KCNT1: variants seen among roughly 807,000 people sequenced by gnomAD.
KCNT1 encodes potassium sodium-activated channel subfamily T member 1, also known as potassium channel subfamily T member 1.
Under a neutral mutation model 147.8 loss-of-function variants are expected in KCNT1, and 78 were observed. The observed-to-expected ratio is 0.53, with a 90% CI of 0.44 to 0.64. The LOEUF is 0.64. Ranked by LOEUF, KCNT1 falls within the 30% of genes least tolerant of loss-of-function variation. KCNT1 has a pLI of 0.00. For synonymous variants in KCNT1, 867 were observed against 748.8 expected (o/e 1.16, Z -2.58); for missense variants, 1,419 against 1,750.3 (o/e 0.81, Z 3.38).
rs574577441 is a variant in KCNT1, at chr9:135,750,219, G to T, written c.334+42G>T. On this transcript the variant is annotated intron_variant, in intron 3 of 30. Transcript: ENST00000371757. ...GAGGGCCACTCCCAGGCAGGGAGGT[G>T]TTGAGGGCGCCGGGAGCAAGCCTGG... 5 of 1,535,704 alleles carry T rather than the reference G, an allele frequency of 3.3e-6. No individual in the cohort carries two copies. The African/African-American group carries it at 6.8e-5, about 21-fold the overall frequency.
Position 135,772,925 on chromosome 9 carries a change from A to T in KCNT1, c.2219A>T (p.Asp740Val). 1 of 1,521,734 alleles carries T rather than the reference A, an allele frequency of 6.6e-7. No individual in the cohort carries two copies. The highest frequency in any genetic ancestry group is 8.8e-7 in the Non-Finnish European group (1 of 1,136,838). 94.3% of individuals were successfully genotyped at this position (1,521,734 alleles called of 1,614,324 possible). Residue 740 changes from aspartate (D) to valine (V), a missense_variant, in exon 19 of 31, where the codon GAC (aspartate) becomes GTC (valine). Asp to Val is a radical substitution (Grantham distance 152, BLOSUM62 -3). Around this residue, in one of 5 missense-constraint regions of KCNT1, gnomAD observed 284 missense variants for 292.8 expected, o/e 0.97. Transcript: ENST00000371757. Reference protein sequence around the residue: ...DQSEDEVTPSDDEGLSVVEYV... With the variant: ...DQSEDEVTPSVDEGLSVVEYV... The stretch of plus-strand genomic sequence containing the variant: ...TCGGAGGATGAGGTGACGCCGTCGG[A>T]CGACGAGGGGCTCTCCGTGGTAGAG...
chr9:135,721,795 G>A (rs560866133), intron 2 of KCNT1, among the ~76,000 whole-genome samples: 4 of 152,280 alleles, frequency 2.6e-5, no homozygotes, highest in East Asian at 1.9e-4. Flanking sequence ...GCCCCCACTC[G>A]ACTGTGGACA....
At chr9:135,781,942 G>A (rs1176722990) in intron 24 of KCNT1, among the ~76,000 whole-genome samples, 1 of 152,068 alleles carries the variant, frequency 6.6e-6, no homozygotes, top group Non-Finnish European at 1.5e-5. Context: ...GGCTGGGGGC[G>A]GTGGCTCATG....
intron 9 of KCNT1, among the ~76,000 whole-genome samples, 157 bp downstream of exon 9, chr9:135,757,538 C>G (rs1831580236): frequency 6.6e-6 from 1 of 152,172 alleles, no homozygotes; most frequent in Non-Finnish European, 1.5e-5. Context: ...TGTCTCTGCT[C>G]CTGGAAAACA....
At chr9:135,764,644 C>T (rs1328863024) in intron 11 of KCNT1, among the ~76,000 whole-genome samples, 1 of 152,186 alleles carries the variant, frequency 6.6e-6, no homozygotes, top group Non-Finnish European at 1.5e-5. Flanking sequence ...GCCCCCCAGA[C>T]ATAGGCTCCT....
At chr9:135,773,379 CCTCCACCCAGTGCCCTAGGTCT>C (rs1832895712) in intron 19 of KCNT1, among the ~76,000 whole-genome samples, 1 of 152,226 alleles carries the variant, frequency 6.6e-6, no homozygotes, top group Non-Finnish European at 1.5e-5. Flanking sequence ...CCCAGGCCAT[CCTCCACCCAGTGCCCTAGGTCT>C]CCCCCTTAGC....
At position 135,778,505 on chromosome 9, in the gene KCNT1, G is replaced by A. The variant is rs2131548582; in HGVS notation, c.2594+10G>A. The A allele has an allele frequency of 6.3e-7, 1 of 1,583,386 alleles. No homozygotes were observed. The highest frequency in any genetic ancestry group is 1.1e-5 in the South Asian group (1 of 87,848). On this transcript the variant is annotated intron_variant, in intron 22 of 30. Coordinates refer to ENST00000371757, the MANE Select transcript of KCNT1 (RefSeq NM_020822.3). ...AGGGCTCTGTGGACAAGTAAGGCGT[G>A]GCCGGCCGAGGCTCGTGGGGGCTCC...
At chr9:135,706,677 T>TCCTCATG (rs1233691525) in intron 1 of KCNT1, among the ~76,000 whole-genome samples, 1 of 152,140 alleles carries the variant, frequency 6.6e-6, no homozygotes, top group African/African-American at 2.4e-5. Context: ...CAGAAGTGGG[T>TCCTCATG]CCTCATGCTT....
chr9:135,758,210 G>A (rs1468446714), intron 9 of KCNT1, among the ~76,000 whole-genome samples: 2 of 147,898 alleles, frequency 1.4e-5, no homozygotes, highest in Admixed American at 6.7e-5. Context: ...CCTCAGCCGA[G>A]ACGCAGGTGT....
chr9:135,758,302 G>A, intron 9 of KCNT1, 112 bp from the exon 10 acceptor site: 1 of 789,830 alleles, frequency 1.3e-6, no homozygotes, highest in Non-Finnish European at 2.2e-6. Flanking sequence ...CCTCAGCCGA[G>A]ACGCAGGTGT....
At chr9:135,716,258 T>C (rs1418526862) in intron 2 of KCNT1, among the ~76,000 whole-genome samples, 1 of 152,224 alleles carries the variant, frequency 6.6e-6, no homozygotes, top group African/African-American at 2.4e-5. Flanking sequence ...ATCCGCCTAA[T>C]GGTGCCTGGG....
At chr9:135,782,981 G>A (rs1465047820) in intron 24 of KCNT1, among the ~76,000 whole-genome samples, 1 of 152,238 alleles carries the variant, frequency 6.6e-6, no homozygotes, top group Non-Finnish European at 1.5e-5. Context: ...TGCTTGTCCT[G>A]TCGCTGTCGT....
intron 4 of KCNT1, among the ~76,000 whole-genome samples, chr9:135,753,051 T>G (rs1316453635): frequency 6.8e-6 from 1 of 148,000 alleles, no homozygotes; most frequent in African/African-American, 2.5e-5. Context: ...GATAGATGGA[T>G]GAGTGGATGG....
intron 24 of KCNT1, among the ~76,000 whole-genome samples, chr9:135,780,064 G>A (rs1046366601): frequency 2.1e-4 from 32 of 152,206 alleles, no homozygotes; most frequent in Non-Finnish European, 4.6e-4. Context: ...CTCCATGAAG[G>A]GCACCACCCA....
chr9:135,772,099 G>A (rs76009828), intron 18 of KCNT1, among the ~76,000 whole-genome samples: 20,112 of 152,236 alleles, frequency 0.13, 1,498 homozygotes, highest in Middle Eastern at 0.21. Flanking sequence ...TCGGGGGGCC[G>A]GGCCTGGCCG....
intron 2 of KCNT1, among the ~76,000 whole-genome samples, chr9:135,717,591 C>T (rs1288782811): frequency 6.6e-6 from 1 of 152,154 alleles, no homozygotes; most frequent in African/African-American, 2.4e-5. Flanking sequence ...GAGTTGGGGG[C>T]TTCTGCCCAA....
At chr9:135,771,147 G>A in intron 18 of KCNT1, 52 bp downstream of exon 18, 1 of 1,500,210 alleles carries the variant, frequency 6.7e-7, no homozygotes, top group Non-Finnish European at 9.1e-7. Context: ...TTTGGCGGGA[G>A]ACCAGGCGGG....
chr9:135,757,105 C>T (rs1354141746), intron 7 of KCNT1, 51 bp from the exon 8 acceptor site: 2 of 448,844 alleles, frequency 4.5e-6, no homozygotes, highest in South Asian at 3.9e-5. Flanking sequence ...CCCTGCTGGG[C>T]CCCACCCCCA....
intron 2 of KCNT1, among the ~76,000 whole-genome samples, chr9:135,739,395 C>G (rs1218639995): frequency 6.6e-6 from 1 of 151,864 alleles, no homozygotes; most frequent in Non-Finnish European, 1.5e-5. Context: ...CCGCCCCAAG[C>G]CCCTCGCCCT....
Sources: allele counts gnomAD v4.1 joint callset (sites outside exome capture counted in the v4.1 genomes callset), GRCh38; gene constraint gnomAD v4.1.1; regional missense constraint gnomAD v4.1.1; transcripts MANE v1.5; gene names NCBI Gene and HGNC (gene_info 2026-07-23, HGNC 2026-07-21).